The following ERBIN variants were observed in gnomAD, a reference collection of about 807,000 sequenced individuals.
The protein encoded by ERBIN is densin-180-like protein.
In ERBIN, 60 loss-of-function variants were observed where a neutral mutation model predicts 158.4. The observed-to-expected ratio is 0.38, with a 90% CI of 0.31 to 0.47. The LOEUF is 0.47. Ranked by LOEUF, ERBIN falls within the 20% of genes least tolerant of loss-of-function variation. The pLI, the probability that ERBIN is intolerant of heterozygous loss-of-function variation, is 0.99. For missense variants in ERBIN, 1,610 were observed against 1,648.0 expected (o/e 0.98, Z 0.40); for synonymous variants, 594 against 557.2 (o/e 1.07, Z -0.93).
intron 21 of ERBIN, among the ~76,000 whole-genome samples, chr5:66,063,850 A>G (rs1760719256): frequency 1.3e-5 from 2 of 152,236 alleles, no homozygotes; most frequent in Admixed American, 6.5e-5. Context: ...GTCAATAGAG[A>G]CATTCGTATT....
In ERBIN at chr5:65,972,291, T is replaced by A. The variant is rs146874046; in HGVS notation, c.-57-16344T>A. ...AGGTATATTGACAGTGGACTTACTA[T>A]GATGTGGAGCTTTGACATTTGTGGA... On this transcript the variant is annotated intron_variant, in intron 1 of 25. Transcript: ENST00000284037. Among the ~76,000 whole-genome samples, 10 of 152,164 alleles carry A rather than the reference T, an allele frequency of 6.6e-5. No homozygotes were observed. In the East Asian group the frequency reaches 1.9e-3, roughly 29 times the overall value.
chr5:66,021,282 TATTTTTCTAGTTA>T, intron 7 of ERBIN, 27 bp from the exon 8 acceptor site: 2 of 1,327,022 alleles, frequency 1.5e-6, no homozygotes, highest in Non-Finnish European at 2.1e-6. Context: ...ATGTAATTGA[TATTTTTCTAGTTA>T]ATTTTTCATT....
chr5:66,036,717 T>G (rs1580424995), intron 14 of ERBIN, among the ~76,000 whole-genome samples: 1 of 152,336 alleles, frequency 6.6e-6, no homozygotes, highest in East Asian at 1.9e-4. Context: ...GTCATAGTGC[T>G]TTGCAATATA....
intron 15 of ERBIN, among the ~76,000 whole-genome samples, chr5:66,038,887 C>A (rs1293529298): frequency 2.0e-5 from 3 of 152,024 alleles, no homozygotes; most frequent in Non-Finnish European, 2.9e-5. Context: ...AAATACTACT[C>A]TTAAATTCTT....
intron 1 of ERBIN, among the ~76,000 whole-genome samples, chr5:65,939,579 G>A (rs1156461838): frequency 1.3e-5 from 2 of 151,458 alleles, no homozygotes; most frequent in Admixed American, 1.3e-4. Flanking sequence ...TCTTTCCACG[G>A]TCTCCCACTG....
chr5:65,975,814 T>C (rs539212455), intron 1 of ERBIN, among the ~76,000 whole-genome samples: 1 of 152,328 alleles, frequency 6.6e-6, no homozygotes, highest in African/African-American at 2.4e-5. Context: ...AGAGATTCTT[T>C]TTTAAGATGA....
chr5:65,953,622 C>G (rs370442951), intron 1 of ERBIN, among the ~76,000 whole-genome samples: 11 of 152,150 alleles, frequency 7.2e-5, no homozygotes, highest in African/African-American at 2.7e-4. Flanking sequence ...AAATGTAGTA[C>G]AAACATTGTG....
rs1580479652 is a variant in ERBIN at position 66,054,347 on chromosome 5, T to A, written c.3029T>A (p.Leu1010His). The change falls in exon 21 of 26, where the codon CTT becomes CAT. Residue 1010 changes from leucine to histidine, a missense_variant. By Grantham distance (99) the Leu-to-His change is moderately conservative. Around this residue, in one of 2 missense-constraint regions of ERBIN, gnomAD observed 1,014 missense variants for 936.1 expected, o/e 1.08. Coordinates refer to ENST00000284037, the MANE Select transcript of ERBIN (RefSeq NM_001253697.2). ...IDHASFPPQL[L>H]PRSESTENQS... ...CATGCCAGTTTTCCTCCTCAGCTCC[T>A]TCCTAGATCAGAGAGCACAGAAAAT... 2 of 1,614,114 alleles carry A rather than the reference T, an allele frequency of 1.2e-6. No individual in the cohort carries two copies. Among genetic ancestry groups the A allele is most frequent in the East Asian group, 4.5e-5 (2 of 44,884 alleles).
chr5:66,027,602 A>G (rs975990290), intron 13 of ERBIN, among the ~76,000 whole-genome samples: 2 of 152,072 alleles, frequency 1.3e-5, no homozygotes, highest in Non-Finnish European at 2.9e-5. Flanking sequence ...CCTACTATTT[A>G]CATAGCATTT....
chr5:66,076,263 C>A, intron 23 of ERBIN, 53 bp from the exon 24 acceptor site: 1 of 1,348,080 alleles, frequency 7.4e-7, no homozygotes, highest in Non-Finnish European at 1.1e-6. Context: ...GATGTTGTTG[C>A]ATTATAACTT....
chr5:65,969,335 T>C (rs572699229), intron 1 of ERBIN, among the ~76,000 whole-genome samples: 1 of 152,366 alleles, frequency 6.6e-6, no homozygotes, highest in African/African-American at 2.4e-5. Context: ...TGTATAATTA[T>C]GTTTTCTGTT....
chr5:65,997,927 T>TAC (rs60768327), intron 4 of ERBIN, among the ~76,000 whole-genome samples: 6,445 of 150,278 alleles, frequency 0.043, 260 homozygotes, highest in African/African-American at 0.1. Flanking sequence ...GGTGTCTGTC[T>TAC]ACACACACAC....
chr5:66,056,765 G>A (rs1209364627), intron 21 of ERBIN, among the ~76,000 whole-genome samples: 1 of 152,138 alleles, frequency 6.6e-6, no homozygotes, highest in East Asian at 1.9e-4. Context: ...ATCATACTTT[G>A]AAGTTACGAG....
At chr5:65,929,829 C>T (rs1743147129) in intron 1 of ERBIN, among the ~76,000 whole-genome samples, 1 of 151,942 alleles carries the variant, frequency 6.6e-6, no homozygotes, top group Admixed American at 6.6e-5. Context: ...TTAGTAGAGA[C>T]AGGTTTTGCC....
At chr5:65,975,602 G>A (rs528577712) in intron 1 of ERBIN, among the ~76,000 whole-genome samples, 50 of 152,222 alleles carry the variant, frequency 3.3e-4, no homozygotes, top group South Asian at 2.1e-3. Context: ...CACTGCGCCC[G>A]GCTAGATTGT....
rs143771691 is a variant in ERBIN at position 65,964,056 on chromosome 5, C to T, written c.-57-24579C>T. Among the ~76,000 whole-genome samples, 576 of 152,214 alleles carry T rather than the reference C, an allele frequency of 3.8e-3. 7 individuals are homozygous for T. Among genetic ancestry groups the T allele is most frequent in the African/African-American group, 0.013 (553 of 41,542 alleles). On this transcript the variant is annotated intron_variant, in intron 1 of 25. Transcript: ENST00000284037. ...CATTGTGATCTGCCTGCATCGGCCT[C>T]CCAAAGTGTTGGGATTACAGGCGTG...
At chr5:65,927,328 TTTAG>T (rs1371517167) in intron 1 of ERBIN, among the ~76,000 whole-genome samples, 4 of 152,192 alleles carry the variant, frequency 2.6e-5, no homozygotes, top group Admixed American at 1.3e-4. Flanking sequence ...GATCAGTATA[TTTAG>T]TTAGATTTTA....
At chr5:66,006,416 G>A (rs1399291547) in intron 4 of ERBIN, among the ~76,000 whole-genome samples, 1 of 152,200 alleles carries the variant, frequency 6.6e-6, no homozygotes, top group African/African-American at 2.4e-5. Context: ...AGACTTACAT[G>A]TTAGACCTAA....
At chr5:66,000,204 A>C (rs907039120) in intron 4 of ERBIN, among the ~76,000 whole-genome samples, 5 of 152,192 alleles carry the variant, frequency 3.3e-5, no homozygotes, top group Non-Finnish European at 7.4e-5. Context: ...CTTTGCTATC[A>C]GTCTTTATGG....
Sources: allele counts gnomAD v4.1 joint callset (sites outside exome capture counted in the v4.1 genomes callset), GRCh38; gene constraint gnomAD v4.1.1; regional missense constraint gnomAD v4.1.1; transcripts MANE v1.5; gene names NCBI Gene and HGNC (gene_info 2026-07-23, HGNC 2026-07-21).